FBXL5: variants seen among roughly 807,000 people sequenced by gnomAD.
FBXL5 encodes the protein F-box and leucine rich repeat protein 5.
FBXL5 carries 26 observed loss-of-function variants against 78.3 expected under a neutral mutation model. The observed-to-expected ratio is 0.33, with a 90% CI of 0.24 to 0.46. The LOEUF is 0.46. FBXL5 is among the 20% of genes least tolerant of loss of function. The pLI is 1.00. For synonymous variants in FBXL5, 295 were observed against 282.5 expected, an observed-to-expected ratio of 1.04 and a Z score of -0.45; for missense variants, 710 against 829.2, an observed-to-expected ratio of 0.86 and a Z score of 1.77.
rs1203736568 is a variant in FBXL5, at chr4:15,644,478, A to G, written c.300+15T>C. ...CACAAGTTTTGACAGTTGAATATCC[A>G]TTTTTGCAACTTACCTTAACATTCT... is the stretch of plus-strand genomic sequence containing the variant. On this transcript the variant is annotated intron_variant, in intron 2 of 10. Coordinates refer to ENST00000341285, the MANE Select transcript of FBXL5 (RefSeq NM_012161.4). The G allele has an allele frequency of 8.2e-6, 13 of 1,588,224 alleles. No homozygotes were observed. The highest frequency in any genetic ancestry group is 1.1e-5 in the Non-Finnish European group (13 of 1,166,598).
At chr4:15,649,719 C>T (rs929391662) in intron 1 of FBXL5, among the ~76,000 whole-genome samples, 3 of 151,576 alleles carry the variant, frequency 2.0e-5, no homozygotes, top group Non-Finnish European at 4.4e-5. Flanking sequence ...AAAACCTGGA[C>T]ACTAATGGTT....
chr4:15,638,729 T>A, intron 3 of FBXL5, 35 bp from the exon 4 acceptor site: 1 of 1,328,460 alleles, frequency 7.5e-7, no homozygotes, highest in Non-Finnish European at 1.1e-6. Context: ...GGAAAGATGC[T>A]TCATTCGTGT....
intron 2 of FBXL5, among the ~76,000 whole-genome samples, chr4:15,641,836 G>A (rs1238240862): frequency 2.0e-5 from 3 of 151,988 alleles, no homozygotes; most frequent in Non-Finnish European, 2.9e-5. Flanking sequence ...AGACCAGCCA[G>A]CCCAACGCGG....
chr4:15,660,537 C>G (rs189350610), upstream of FBXL5, among the ~76,000 whole-genome samples: 26 of 152,236 alleles, frequency 1.7e-4, no homozygotes, highest in Admixed American at 5.9e-4. Flanking sequence ...GGCTAATACA[C>G]GAAACATTGA....
At chr4:15,620,696 T>C (rs1378677614) in intron 9 of FBXL5, among the ~76,000 whole-genome samples, 2 of 152,190 alleles carry the variant, frequency 1.3e-5, no homozygotes, top group Non-Finnish European at 2.9e-5. Flanking sequence ...AAACAAAATC[T>C]CTGCAGCACT....
upstream of FBXL5, among the ~76,000 whole-genome samples, chr4:15,659,076 C>T (rs1391564609): frequency 6.6e-6 from 1 of 152,118 alleles, no homozygotes; most frequent in Non-Finnish European, 1.5e-5. Flanking sequence ...CCCTCCTGTG[C>T]TTTAACTAAA....
intron 1 of FBXL5, among the ~76,000 whole-genome samples, chr4:15,671,511 C>G (rs1717767548): frequency 6.6e-6 from 1 of 151,854 alleles, no homozygotes; most frequent in Admixed American, 6.6e-5. Context: ...GGCCTCAAAG[C>G]AATCCTCCTG....
intron 1 of FBXL5, among the ~76,000 whole-genome samples, chr4:15,666,256 A>G (rs1175585059): frequency 6.6e-6 from 1 of 152,076 alleles, no homozygotes; most frequent in East Asian, 1.9e-4. Context: ...AAAATTAGCC[A>G]GGTATGGTGG....
chr4:15,628,772 G>GACAC (rs1553850273), intron 6 of FBXL5, among the ~76,000 whole-genome samples: 2,000 of 140,278 alleles, frequency 0.014, 19 homozygotes, highest in South Asian at 0.022. Context: ...GCCAGACACA[G>GACAC]ACACACACAC....
At chr4:15,613,996 G>A (rs948940122) in intron 9 of FBXL5, among the ~76,000 whole-genome samples, 1 of 152,092 alleles carries the variant, frequency 6.6e-6, no homozygotes, top group African/African-American at 2.4e-5. Context: ...GTGTTCCTTT[G>A]GGAGTGTTAA....
intron 1 of FBXL5, among the ~76,000 whole-genome samples, chr4:15,678,180 A>G (rs1718065567): frequency 6.6e-6 from 1 of 152,196 alleles, no homozygotes. Flanking sequence ...CTTATGGGAC[A>G]AGTCATTATT....
upstream of FBXL5, among the ~76,000 whole-genome samples, chr4:15,659,279 T>C (rs1717190228): frequency 6.6e-6 from 1 of 152,218 alleles, no homozygotes; most frequent in South Asian, 2.1e-4. Context: ...TTGAAAAGTT[T>C]TTACAAACCA....
chr4:15,654,393 A>G (rs1201637589), intron 1 of FBXL5, among the ~76,000 whole-genome samples: 2 of 152,196 alleles, frequency 1.3e-5, no homozygotes, highest in African/African-American at 4.8e-5. Context: ...CATCTCCACA[A>G]AAGTGCCTCT....
chr4:15,629,309 G>A (rs1231849526), intron 6 of FBXL5, among the ~76,000 whole-genome samples: 6 of 151,982 alleles, frequency 3.9e-5, no homozygotes, highest in African/African-American at 7.2e-5. Context: ...TTCTTACCAC[G>A]GGTATTATGA....
chr4:15,679,682 T>C (rs1279870285), intron 1 of FBXL5, among the ~76,000 whole-genome samples: 1 of 152,110 alleles, frequency 6.6e-6, no homozygotes, highest in Non-Finnish European at 1.5e-5. Context: ...TGTTTTATCA[T>C]TCTAACTCAT....
chr4:15,627,132 T>G (rs1232999021), intron 7 of FBXL5, among the ~76,000 whole-genome samples, 177 bp from the exon 8 acceptor site: 2 of 8,874 alleles, frequency 2.3e-4, no homozygotes, highest in Non-Finnish European at 5.6e-4. Flanking sequence ...TGAGAATCTC[T>G]TTTTTTTTTT....
At chr4:15,677,605 G>A (rs889279088) in intron 1 of FBXL5, among the ~76,000 whole-genome samples, 2 of 152,186 alleles carry the variant, frequency 1.3e-5, no homozygotes, top group Non-Finnish European at 2.9e-5. Context: ...ATCATTGGAA[G>A]CTCAAGGGGC....
At chr4:15,667,067 A>G (rs1043089289) in intron 1 of FBXL5, among the ~76,000 whole-genome samples, 2 of 152,216 alleles carry the variant, frequency 1.3e-5, no homozygotes, top group Non-Finnish European at 2.9e-5. Flanking sequence ...AACATTATAA[A>G]CCATATTTGT....
chr4:15,639,118 T>G (rs1400034708), intron 3 of FBXL5, among the ~76,000 whole-genome samples: 1 of 152,188 alleles, frequency 6.6e-6, no homozygotes, highest in South Asian at 2.1e-4. Flanking sequence ...GAGCCGATAT[T>G]GCGCCATTGC....
Sources: allele counts gnomAD v4.1 joint callset (sites outside exome capture counted in the v4.1 genomes callset), GRCh38; gene constraint gnomAD v4.1.1; transcripts MANE v1.5; gene names NCBI Gene and HGNC (gene_info 2026-07-23, HGNC 2026-07-21).